The following NRG1 variants were observed in gnomAD, a reference collection of about 807,000 sequenced individuals.
NRG1 encodes the protein pro-neuregulin-1, membrane-bound isoform.
In NRG1, 18 loss-of-function variants were observed where a neutral mutation model predicts 63.8. That is an observed-to-expected ratio of 0.28 (90% confidence interval 0.19 to 0.42). The LOEUF (loss-of-function observed/expected upper bound fraction) is 0.42. Ranked by LOEUF, NRG1 falls within the 10% of genes least tolerant of loss-of-function variation. The pLI, the probability that NRG1 is intolerant of heterozygous loss-of-function variation, is 1.00. For synonymous variants in NRG1, 302 were observed against 301.3 expected, an observed-to-expected ratio of 1.00 and a Z score of -0.02; for missense variants, 762 against 814.7, an observed-to-expected ratio of 0.94 and a Z score of 0.79.
In NRG1 at chr8:31,850,921, G is replaced by C. The variant is rs145249088; in HGVS notation, c.37+211490G>C. On this transcript the variant is annotated intron_variant, in intron 1 of 10. Coordinates refer to the NRG1 transcript ENST00000519301. ...CTATTGACAAAACCGGATTAGTGCTGCTTATTTTCTGCAGTATTTACTGTT... is the reference window on the plus strand; with the variant it reads ...CTATTGACAAAACCGGATTAGTGCTCCTTATTTTCTGCAGTATTTACTGTT... Among the ~76,000 whole-genome samples the C allele has an allele frequency of 2.6e-5, 4 of 152,284 alleles. No individual in the cohort carries two copies. In the East Asian group the frequency reaches 7.7e-4, roughly 29 times the overall value.
At chr8:32,529,194 G>T (rs575006824) in intron 1 of NRG1, among the ~76,000 whole-genome samples, 16 of 152,272 alleles carry the variant, frequency 1.1e-4, no homozygotes, top group African/African-American at 3.4e-4. Flanking sequence ...TAACACAAAG[G>T]TATTTATGCA....
intron 1 of NRG1, among the ~76,000 whole-genome samples, chr8:32,484,559 A>G (rs964002406): frequency 1.3e-5 from 2 of 152,170 alleles, no homozygotes; most frequent in African/African-American, 4.8e-5. Context: ...TCCAGCAGGC[A>G]TAGAATCTAT....
chr8:31,847,681 CA>C (rs1227328943), intron 1 of NRG1, among the ~76,000 whole-genome samples: 1 of 152,176 alleles, frequency 6.6e-6, no homozygotes, highest in Non-Finnish European at 1.5e-5. Flanking sequence ...TTACCAGCTG[CA>C]AAAATCTTAT....
In NRG1 at chr8:32,395,185, G is replaced by T. The variant is rs1465583517; in HGVS notation, c.38-200643G>T. ...AGCCTGAGTGAGCTTATGAGCTAATGCAGGGATTTTTATTATTAACAATAA... is the reference window on the plus strand; with the variant it reads ...AGCCTGAGTGAGCTTATGAGCTAATTCAGGGATTTTTATTATTAACAATAA... On this transcript the variant is annotated intron_variant, in intron 1 of 10. Coordinates refer to the NRG1 transcript ENST00000519301. Among the ~76,000 whole-genome samples the T allele has an allele frequency of 2.0e-5, 3 of 152,154 alleles. No individual in the cohort carries two copies. In the East Asian group the frequency reaches 5.8e-4, roughly 29 times the overall value.
At chr8:32,554,931 T>C (rs73234141) in intron 1 of NRG1, among the ~76,000 whole-genome samples, 10 of 86,728 alleles carry the variant, frequency 1.2e-4, no homozygotes, top group South Asian at 6.9e-4. Context: ...CTCTCTCTCT[T>C]TTTTTTTTTA....
At chr8:32,231,661 G>T (rs1846957283) in intron 1 of NRG1, among the ~76,000 whole-genome samples, 2 of 151,984 alleles carry the variant, frequency 1.3e-5, no homozygotes, top group African/African-American at 4.8e-5. Flanking sequence ...AGCACTTTGG[G>T]AGACCAAGGT....
chr8:31,980,843 T>C (rs1292579734), intron 1 of NRG1, among the ~76,000 whole-genome samples: 1 of 152,066 alleles, frequency 6.6e-6, no homozygotes. Context: ...AGTGGTTTAT[T>C]TTATTCTAGG....
intron 1 of NRG1, among the ~76,000 whole-genome samples, chr8:31,710,668 G>A (rs1811651212): frequency 6.6e-6 from 1 of 151,830 alleles, no homozygotes; most frequent in South Asian, 2.1e-4. Flanking sequence ...ATTCTTTTCT[G>A]TTTTGCCAGT....
intron 1 of NRG1, among the ~76,000 whole-genome samples, chr8:31,941,124 T>C (rs1450370191): frequency 6.6e-6 from 1 of 152,128 alleles, no homozygotes; most frequent in Non-Finnish European, 1.5e-5. Context: ...GTATCCCTGA[T>C]GAACATAGAT....
rs562638811 is a variant in NRG1 at position 31,783,827 on chromosome 8, T to G, written c.37+144396T>G. ...CTAGAAGGCCTCGCATGGTATGGTA[T>G]CACGATCCTCATAATTGCTAAAAAT... On this transcript the variant is annotated intron_variant, in intron 1 of 10. Coordinates refer to the NRG1 transcript ENST00000519301. 3.0e-4 allele frequency among the ~76,000 whole-genome samples: 45 copies of G among 152,298 alleles called. No homozygotes were observed. The South Asian group carries it at 9.1e-3, about 31-fold the overall frequency.
intron 5 of NRG1, among the ~76,000 whole-genome samples, chr8:32,720,550 T>A (rs1475648927): frequency 6.6e-6 from 1 of 152,162 alleles, no homozygotes; most frequent in Non-Finnish European, 1.5e-5. Context: ...CAGTGATTAG[T>A]AGAAAATATG....
At chr8:31,845,769 T>C (rs191318959) in intron 1 of NRG1, among the ~76,000 whole-genome samples, 2 of 152,320 alleles carry the variant, frequency 1.3e-5, no homozygotes, top group Non-Finnish European at 1.5e-5. Context: ...CTGATATTCA[T>C]GAAGCAGAAA....
intron 5 of NRG1, among the ~76,000 whole-genome samples, chr8:32,693,794 G>A (rs1219464527): frequency 6.6e-6 from 1 of 152,058 alleles, no homozygotes; most frequent in African/African-American, 2.4e-5. Context: ...GCGAACCATT[G>A]TGAAATAAGG....
chr8:32,150,371 A>G (rs1027794740), intron 1 of NRG1, among the ~76,000 whole-genome samples: 2 of 152,202 alleles, frequency 1.3e-5, no homozygotes, highest in Non-Finnish European at 2.9e-5. Context: ...GTTGGATCCT[A>G]GTACCCAGTG....
chr8:32,631,521 G>A (rs919037745), intron 5 of NRG1, among the ~76,000 whole-genome samples: 1 of 152,136 alleles, frequency 6.6e-6, no homozygotes, highest in African/African-American at 2.4e-5. Flanking sequence ...CTGGTTTCCT[G>A]TAACTACATG....
At chr8:32,675,653 T>G (rs1438500563) in intron 5 of NRG1, among the ~76,000 whole-genome samples, 1 of 152,172 alleles carries the variant, frequency 6.6e-6, no homozygotes, top group East Asian at 1.9e-4. Context: ...ATTCCAGAAC[T>G]GTTTTAAATG....
chr8:31,921,485 C>CAA (rs1186303529), intron 1 of NRG1, among the ~76,000 whole-genome samples: 8 of 151,304 alleles, frequency 5.3e-5, no homozygotes, highest in Non-Finnish European at 8.9e-5. Flanking sequence ...CATACACACA[C>CAA]ACACACACAC....
chr8:31,963,939 G>A (rs1234759920), intron 1 of NRG1, among the ~76,000 whole-genome samples: 1 of 152,158 alleles, frequency 6.6e-6, no homozygotes, highest in Non-Finnish European at 1.5e-5. Flanking sequence ...GTTTGATCCT[G>A]TTGGTAACAG....
At chr8:32,481,662 T>C (rs1178494477) in intron 1 of NRG1, among the ~76,000 whole-genome samples, 1 of 152,278 alleles carries the variant, frequency 6.6e-6, no homozygotes, top group Non-Finnish European at 1.5e-5. Flanking sequence ...TCTGCCTTAA[T>C]TGATTCACCT....
Sources: gnomAD v4.1 joint callset for allele counts (sites outside exome capture counted in the v4.1 genomes callset) on GRCh38, gnomAD v4.1.1 for gene constraint, MANE v1.5 for transcripts, NCBI Gene and HGNC (gene_info 2026-07-23, HGNC 2026-07-21) for gene names.